Variants in MAST4 observed in about 807,000 individuals in gnomAD.
MAST4 encodes microtubule associated serine/threonine kinase family member 4.
MAST4 carries 89 observed loss-of-function variants against 162.7 expected under a neutral mutation model. The ratio of observed to expected loss-of-function variants is 0.55; its 90% CI spans 0.46 to 0.65. MAST4 has a LOEUF of 0.65. Among genes scored for constraint, MAST4 ranks in the 30% least tolerant of loss-of-function variants. MAST4 has a pLI of 0.00. For missense variants in MAST4, 3,153 were observed against 3,374.0 expected (o/e 0.93, Z 1.62); for synonymous variants, 1,479 against 1,361.1 (o/e 1.09, Z -1.91).
intron 1 of MAST4, among the ~76,000 whole-genome samples, chr5:66,648,079 TGTGTGAGAGAGA>T (rs1361514871): frequency 3.9e-5 from 4 of 103,692 alleles, no homozygotes; most frequent in Admixed American, 1.0e-4. Flanking sequence ...TGTGTGTGTG[TGTGTGAGAGAGA>T]GAGAGAGAGA....
chr5:66,851,678 C>A (rs1282561222), intron 3 of MAST4, among the ~76,000 whole-genome samples: 1 of 152,186 alleles, frequency 6.6e-6, no homozygotes, highest in Non-Finnish European at 1.5e-5. Context: ...CACCACATAT[C>A]AGTGGATTAC....
intron 3 of MAST4, among the ~76,000 whole-genome samples, chr5:66,882,115 T>G (rs1347407208): frequency 6.6e-6 from 1 of 152,236 alleles, no homozygotes; most frequent in Non-Finnish European, 1.5e-5. Flanking sequence ...TTGAGATTTT[T>G]AAATTTTATT....
chr5:66,827,075 C>T (rs1483925403), intron 3 of MAST4, among the ~76,000 whole-genome samples: 1 of 152,194 alleles, frequency 6.6e-6, no homozygotes, highest in African/African-American at 2.4e-5. Flanking sequence ...TACAGATTGC[C>T]AAAAGATAGA....
chr5:67,055,793 C>T (rs1421522527), intron 5 of MAST4, among the ~76,000 whole-genome samples: 2 of 152,022 alleles, frequency 1.3e-5, no homozygotes, highest in African/African-American at 2.4e-5. Context: ...AGTAACCTAA[C>T]GATCTATCAC....
rs569826655 is a variant in MAST4 at position 66,922,124 on chromosome 5, G to A, written c.674+22142G>A. The stretch of plus-strand genomic sequence containing the variant: ...GAAATTTTAAATGGCTCTATCAGTG[G>A]GAAAGTGTAGCATCCTAAGAGAAGA... On this transcript the variant is annotated intron_variant, in intron 4 of 28. Transcript: ENST00000403625. Among the ~76,000 whole-genome samples the A allele has an allele frequency of 1.3e-4, 20 of 152,288 alleles. 1 individual carries two copies. Among genetic ancestry groups the A allele is most frequent in the African/African-American group, 4.8e-4 (20 of 41,574 alleles).
rs1332385548 is a variant in MAST4 at position 67,153,450 on chromosome 5, G to C, written c.3526-8G>C. On this transcript the variant is annotated splice_polypyrimidine_tract_variant and splice_region_variant and intron_variant, in intron 25 of 28. Transcript: ENST00000403625. ...TGCCTACAAATATCCTCTCCTCTTG[G>C]ACTTTAGAATGTAGAAGAAGGAAGT... 1 of 1,601,424 alleles carries C rather than the reference G, an allele frequency of 6.2e-7. No individual in the cohort carries two copies. The highest frequency in any genetic ancestry group is 8.5e-7 in the Non-Finnish European group (1 of 1,173,884).
chr5:67,162,231 T>G (rs982191201), intron 27 of MAST4, among the ~76,000 whole-genome samples: 3 of 152,192 alleles, frequency 2.0e-5, no homozygotes, highest in Non-Finnish European at 2.9e-5. Context: ...GAGGTTTACT[T>G]TGTATTATCT....
chr5:66,748,740 G>A (rs964010539), intron 1 of MAST4, among the ~76,000 whole-genome samples: 36 of 151,804 alleles, frequency 2.4e-4, no homozygotes, highest in Middle Eastern at 3.4e-3. Flanking sequence ...CACCTGCCTC[G>A]GCCTCCCAAA....
rs1216985301 is a variant in MAST4 at position 67,114,213 on chromosome 5, T to C, written c.1585T>C (p.Leu529=). Residue 529 remains leucine, a synonymous_variant, in exon 12 of 29, where the codon TTG becomes CTG. Transcript: ENST00000403625. Reference sequence around the variant, plus strand: ...CCAACTGGGACTCAATAAGGATCCCTTGGAAGGTGAGTCCCTGGGTTGTTC... The same window carrying C: ...CCAACTGGGACTCAATAAGGATCCCCTGGAAGGTGAGTCCCTGGGTTGTTC... ...ISQLGLNKDP[L]EEMAHLGNYD... 2 of 1,610,620 alleles carry C rather than the reference T, an allele frequency of 1.2e-6. No individual in the cohort carries two copies. Among genetic ancestry groups the C allele is most frequent in the East Asian group, 4.5e-5 (2 of 44,646 alleles).
chr5:66,675,500 C>A (rs899787582), intron 1 of MAST4, among the ~76,000 whole-genome samples: 1 of 152,066 alleles, frequency 6.6e-6, no homozygotes, highest in African/African-American at 2.4e-5. Context: ...TGAACTCCCC[C>A]ACAAGTCTCA....
intron 4 of MAST4, chr5:67,002,070 T>G (rs1393681648): frequency 1.3e-5 from 2 of 152,160 alleles, no homozygotes; most frequent in African/African-American, 4.8e-5. Flanking sequence ...GCACAAAAAG[T>G]TATTCTCTGG....
At chr5:67,029,143 A>G (rs1394729744) in intron 4 of MAST4, among the ~76,000 whole-genome samples, 1 of 151,956 alleles carries the variant, frequency 6.6e-6, no homozygotes, top group Non-Finnish European at 1.5e-5. Flanking sequence ...CAAAAAAAAA[A>G]AAGTCATATA....
At chr5:66,721,490 C>G (rs1751207390) in intron 1 of MAST4, among the ~76,000 whole-genome samples, 1 of 152,004 alleles carries the variant, frequency 6.6e-6, no homozygotes, top group Non-Finnish European at 1.5e-5. Flanking sequence ...GTCTTCCTAA[C>G]TCACTAGTTG....
chr5:66,677,540 G>A lies in MAST4; in HGVS notation c.363+80522G>A, dbSNP rs1019882996. On this transcript the variant is annotated intron_variant, in intron 1 of 28. Transcript: ENST00000403625. Reference sequence around the variant, plus strand: ...TATTGGGCGCCTACTGAGTGTCAGGGTACTAGTGGTGATTTAAAAAAATCC... The same window carrying A: ...TATTGGGCGCCTACTGAGTGTCAGGATACTAGTGGTGATTTAAAAAAATCC... 2.0e-5 allele frequency among the ~76,000 whole-genome samples: 3 copies of A among 152,140 alleles called. No individual in the cohort carries two copies. In the East Asian group the frequency reaches 5.8e-4, roughly 29 times the overall value.
intron 4 of MAST4, among the ~76,000 whole-genome samples, chr5:66,961,909 C>A (rs1003466683): frequency 2.0e-5 from 3 of 152,136 alleles, no homozygotes; most frequent in Non-Finnish European, 4.4e-5. Flanking sequence ...GAAAATAATT[C>A]CTTACTAATT....
chr5:66,803,448 G>A (rs2149700832), intron 3 of MAST4, among the ~76,000 whole-genome samples: 1 of 152,240 alleles, frequency 6.6e-6, no homozygotes, highest in Admixed American at 6.5e-5. Context: ...TACATTAAAT[G>A]TGTAGATCAA....
chr5:67,165,773 T>G lies in MAST4; in HGVS notation c.6594T>G (p.Pro2198=). 6.2e-7 allele frequency: 1 copy of G among 1,602,650 alleles called. No homozygotes were observed. Among genetic ancestry groups the G allele is most frequent in the South Asian group, 1.1e-5 (1 of 89,768 alleles). The change falls in exon 29 of 29, where the codon CCT becomes CCG. Residue 2198 remains proline (P), a synonymous_variant. Transcript: ENST00000403625. ...ESSSHKPRPG[P]DPGPPKTKHP... ...GCAGCCACAAGCCCCGGCCTGGCCC[T>G]GACCCGGGCCCTCCAAAGACTAAGC...
chr5:66,725,848 G>T (rs1251396120), intron 1 of MAST4, among the ~76,000 whole-genome samples: 1 of 152,188 alleles, frequency 6.6e-6, no homozygotes, highest in African/African-American at 2.4e-5. Flanking sequence ...TTATGTGCCG[G>T]TTGAAATAGG....
intron 3 of MAST4, among the ~76,000 whole-genome samples, chr5:66,791,604 G>A (rs1755412578): frequency 6.6e-6 from 1 of 152,138 alleles, no homozygotes. Context: ...GAAATACCAT[G>A]TAGAAAAAAC....
Sources: gnomAD v4.1 joint callset for allele counts (sites outside exome capture counted in the v4.1 genomes callset) on GRCh38, gnomAD v4.1.1 for gene constraint, MANE v1.5 for transcripts, NCBI Gene and HGNC (gene_info 2026-07-23, HGNC 2026-07-21) for gene names.